KIAA1671: variants seen among roughly 807,000 people sequenced by gnomAD.
KIAA1671 encodes the protein KIAA1671.
KIAA1671 carries 52 observed loss-of-function variants against 131.2 expected under a neutral mutation model. That is an observed-to-expected ratio of 0.40 (90% confidence interval 0.32 to 0.50). The LOEUF is 0.50. KIAA1671 is among the 20% of genes least tolerant of loss of function. The probability of loss-of-function intolerance (pLI) is 0.73; values close to 1 mark genes in which losing one functional copy is unlikely to be tolerated. For missense variants in KIAA1671, 2,360 were observed against 2,364.2 expected (o/e 1.00, Z 0.04); for synonymous variants, 1,003 against 961.6 (o/e 1.04, Z -0.80).
At chr22:24,966,946 A>G (rs1922336378) in intron 1 of KIAA1671, among the ~76,000 whole-genome samples, 1 of 152,152 alleles carries the variant, frequency 6.6e-6, no homozygotes, top group African/African-American at 2.4e-5. Flanking sequence ...ACAGAGCAAG[A>G]GCCTGTCACA....
At chr22:25,150,713 A>T (rs1933005915) in intron 6 of KIAA1671, among the ~76,000 whole-genome samples, 1 of 152,108 alleles carries the variant, frequency 6.6e-6, no homozygotes, top group Non-Finnish European at 1.5e-5. Context: ...GCCAGCTCTC[A>T]TGGCGGTGGG....
Position 25,196,236 on chromosome 22 carries a change from G to A in KIAA1671, c.*3835G>A, listed in dbSNP as rs1024712535. The A allele has an allele frequency of 6.6e-6, 1 of 152,184 alleles. No homozygotes were observed. The highest frequency in any genetic ancestry group is 1.5e-5 in the Non-Finnish European group (1 of 68,018). 9.4% of individuals were successfully genotyped at this position (152,184 alleles called of 1,614,324 possible). A position where few individuals can be genotyped will look rare whatever the true frequency, so the allele number is the denominator to read the frequency against. On this transcript the variant is annotated 3_prime_UTR_variant, in exon 13 of 13. Transcript: ENST00000358431. ...CTCTGCTCTGGAAAGTCGGCCTGAG[G>A]TTTCCGGCAAGTTAACCCTTAAAAT...
At chr22:25,116,403 GTA>G (rs1555880371) in intron 6 of KIAA1671, among the ~76,000 whole-genome samples, 4 of 148,096 alleles carry the variant, frequency 2.7e-5, no homozygotes, top group Non-Finnish European at 3.0e-5. Flanking sequence ...ATGTATGTAT[GTA>G]TGTATGTATG....
intron 12 of KIAA1671, among the ~76,000 whole-genome samples, chr22:25,191,832 A>G (rs531694250): frequency 6.6e-6 from 1 of 152,278 alleles, no homozygotes; most frequent in African/African-American, 2.4e-5. Context: ...CTTTTTCCTA[A>G]GTCAGTGGTA....
At chr22:25,024,856 G>A (rs1253892663) in intron 1 of KIAA1671, among the ~76,000 whole-genome samples, 1 of 151,696 alleles carries the variant, frequency 6.6e-6, no homozygotes, top group Non-Finnish European at 1.5e-5. Flanking sequence ...CGTATTAAAT[G>A]TAACAGTGTA....
In KIAA1671 at chr22:25,105,555, G is replaced by T. The variant is rs964429113; in HGVS notation, c.4530+56191G>T. ...TTTGCAGAAAAAGTCCTCTGGGGGG[G>T]AAAATGCTTGTGCTGCCCCAGTTTT... On this transcript the variant is annotated intron_variant, in intron 6 of 12. Transcript: ENST00000358431. 5.3e-4 allele frequency among the ~76,000 whole-genome samples: 80 copies of T among 152,198 alleles called. 1 individual carries two copies. The highest frequency in any genetic ancestry group is 1.7e-3 in the African/African-American group (72 of 41,432).
chr22:25,114,306 G>T (rs1460263388), intron 6 of KIAA1671, among the ~76,000 whole-genome samples: 1 of 152,186 alleles, frequency 6.6e-6, no homozygotes, highest in Non-Finnish European at 1.5e-5. Context: ...TTCTTCCTGT[G>T]TCCAATGAGG....
At chr22:24,996,583 T>G (rs1924151866) in intron 1 of KIAA1671, among the ~76,000 whole-genome samples, 1 of 151,876 alleles carries the variant, frequency 6.6e-6, no homozygotes, top group Non-Finnish European at 1.5e-5. Context: ...TTGTGACTCA[T>G]GCATCCCCGA....
At chr22:25,102,949 G>GAGTT (rs1475512077) in intron 6 of KIAA1671, 1 of 152,646 alleles carries the variant, frequency 6.6e-6, no homozygotes, top group Non-Finnish European at 1.5e-5. Flanking sequence ...GGTTGAAGCT[G>GAGTT]AGTTCATGAG....
chr22:25,132,978 C>T (rs939220128), intron 6 of KIAA1671, among the ~76,000 whole-genome samples: 2 of 147,606 alleles, frequency 1.4e-5, no homozygotes, highest in Non-Finnish European at 3.0e-5. Context: ...TTGCTTGAAC[C>T]CAGGAGGCAG....
rs551064556 is a variant in KIAA1671, at chr22:25,165,914, G to A, written c.4531-4906G>A. 3.3e-5 allele frequency among the ~76,000 whole-genome samples: 5 copies of A among 152,224 alleles called. No individual in the cohort carries two copies. The South Asian group carries it at 6.2e-4, about 19-fold the overall frequency. On this transcript the variant is annotated intron_variant, in intron 6 of 12. Coordinates refer to ENST00000358431, the MANE Select transcript of KIAA1671 (RefSeq NM_001145206.2). ...AGAGGAGGGGTATGGGAGGAGGGAA[G>A]CAACACTGAAGGAGCTGCTGAGCCC...
At chr22:25,134,425 A>G (rs1320511922) in intron 6 of KIAA1671, among the ~76,000 whole-genome samples, 1 of 152,112 alleles carries the variant, frequency 6.6e-6, no homozygotes, top group Non-Finnish European at 1.5e-5. Context: ...ACACTTTTAT[A>G]GGCATGTGAT....
chr22:25,099,586 G>C (rs908053935), intron 6 of KIAA1671, among the ~76,000 whole-genome samples: 1 of 123,826 alleles, frequency 8.1e-6, no homozygotes, highest in African/African-American at 3.1e-5. Flanking sequence ...ATAGAGTCTC[G>C]CTCAGTCACC....
Position 25,181,843 on chromosome 22 carries a change from G to T in KIAA1671, c.5199+20G>T. ...CTAAAGGTACCAGACCTCTCACCAA[G>T]AGTCACCTGGTGGGCATGATCCTCA... On this transcript the variant is annotated intron_variant, in intron 10 of 12. Transcript: ENST00000358431. The T allele has an allele frequency of 6.5e-7, 1 of 1,549,274 alleles. No homozygotes were observed. The highest frequency in any genetic ancestry group is 1.2e-5 in the South Asian group (1 of 83,998).
intron 1 of KIAA1671, among the ~76,000 whole-genome samples, chr22:24,961,482 A>C (rs889168624): frequency 3.9e-5 from 6 of 152,226 alleles, no homozygotes; most frequent in African/African-American, 1.2e-4. Context: ...CATGCTCACG[A>C]GTCAGCAGGT....
At chr22:25,085,771 AAGGAAGGG>A (rs199580184) in intron 6 of KIAA1671, among the ~76,000 whole-genome samples, 33,547 of 138,768 alleles carry the variant, frequency 0.24, 5,544 homozygotes, top group African/African-American at 0.46. Flanking sequence ...GTGGTGAAGG[AAGGAAGGG>A]AGGAAGGGAG....
At chr22:25,082,858 A>G (rs983278736) in intron 6 of KIAA1671, among the ~76,000 whole-genome samples, 1 of 152,036 alleles carries the variant, frequency 6.6e-6, no homozygotes, top group Non-Finnish European at 1.5e-5. Context: ...AACAAAAAAC[A>G]CCTGATATTT....
At chr22:25,098,442 C>T (rs1363262307) in intron 6 of KIAA1671, among the ~76,000 whole-genome samples, 1 of 152,120 alleles carries the variant, frequency 6.6e-6, no homozygotes, top group Non-Finnish European at 1.5e-5. Flanking sequence ...ATAAGCCTTC[C>T]TTAGAGGGAC....
intron 6 of KIAA1671, among the ~76,000 whole-genome samples, chr22:25,098,735 T>C (rs1044504065): frequency 7.2e-5 from 11 of 152,050 alleles, no homozygotes; most frequent in Non-Finnish European, 1.5e-4. Flanking sequence ...ATGTGCATTG[T>C]ACCCAAAAGA....
Sources: allele counts gnomAD v4.1 joint callset (sites outside exome capture counted in the v4.1 genomes callset), GRCh38; gene constraint gnomAD v4.1.1; transcripts MANE v1.5; gene names NCBI Gene and HGNC (gene_info 2026-07-23, HGNC 2026-07-21).